Variants in TSPAN15 observed in about 807,000 individuals in gnomAD.
TSPAN15 encodes tetraspanin 15.
A neutral mutation model predicts 34.5 loss-of-function variants in TSPAN15; 20 were observed. The ratio of observed to expected loss-of-function variants is 0.58; its 90% CI spans 0.41 to 0.84. TSPAN15 has a LOEUF of 0.84. Among genes scored for constraint, TSPAN15 ranks in the 40% least tolerant of loss-of-function variants. The pLI is 0.00. For synonymous variants in TSPAN15, 155 were observed against 153.9 expected, an observed-to-expected ratio of 1.01 and a Z score of -0.05; for missense variants, 313 against 386.1, an observed-to-expected ratio of 0.81 and a Z score of 1.59.
intron 1 of TSPAN15, 31 bp downstream of exon 1, chr10:69,451,721 G>C: frequency 7.1e-7 from 1 of 1,412,384 alleles, no homozygotes. Flanking sequence ...CCGGGGATGG[G>C]GGTGGGGACC....
intron 1 of TSPAN15, among the ~76,000 whole-genome samples, chr10:69,459,124 AAC>A (rs1491120981): frequency 7.1e-5 from 4 of 56,632 alleles, no homozygotes; most frequent in Non-Finnish European, 1.4e-4. Context: ...AAAAAAAAAA[AAC>A]AACAACAAAA....
chr10:69,498,263 C>A lies in TSPAN15; in HGVS notation c.454-17C>A, dbSNP rs770250062. Reference sequence around the variant, plus strand: ...GGGCGATGACGGCAGCTCCTCTTTCCTGCTTGCTTCCCTCAGTTCAAGTGC... The same window carrying A: ...GGGCGATGACGGCAGCTCCTCTTTCATGCTTGCTTCCCTCAGTTCAAGTGC... On this transcript the variant is annotated splice_polypyrimidine_tract_variant and intron_variant, in intron 4 of 7. Coordinates refer to ENST00000373290, the MANE Select transcript of TSPAN15 (RefSeq NM_012339.5). The A allele has an allele frequency of 6.2e-7, 1 of 1,612,230 alleles. No homozygotes were observed. Among genetic ancestry groups the A allele is most frequent in the Non-Finnish European group, 8.5e-7 (1 of 1,178,382 alleles).
At position 69,506,062 on chromosome 10, in the gene TSPAN15, G is replaced by T; in HGVS notation, c.619-62G>T. On this transcript the variant is annotated intron_variant, in intron 6 of 7. Coordinates refer to ENST00000373290, the MANE Select transcript of TSPAN15 (RefSeq NM_012339.5). This position sits in a 1 kb window ranked among gnomAD's most constrained non-coding sequence, Gnocchi z 4.7. ...TGGACCTTGTGTACATGGCAGAGTCGGGGCTGTGGCTCCTGCCAGCCGAGG... is the reference window on the plus strand; with the variant it reads ...TGGACCTTGTGTACATGGCAGAGTCTGGGCTGTGGCTCCTGCCAGCCGAGG... The T allele has an allele frequency of 7.0e-7, 1 of 1,426,058 alleles. No homozygotes were observed. Among genetic ancestry groups the T allele is most frequent in the South Asian group, 1.2e-5 (1 of 83,990 alleles). 88.3% of individuals were successfully genotyped at this position (1,426,058 alleles called of 1,614,324 possible). A position where few individuals can be genotyped will look rare whatever the true frequency, so the allele number is the denominator to read the frequency against.
intron 1 of TSPAN15, among the ~76,000 whole-genome samples, chr10:69,475,715 A>G (rs1841601094): frequency 6.6e-6 from 1 of 152,170 alleles, no homozygotes; most frequent in Non-Finnish European, 1.5e-5. Flanking sequence ...ACTATTGCCA[A>G]CAGGAGGGGT....
the TSPAN15 span, among the ~76,000 whole-genome samples, chr10:69,544,554 C>T: frequency 6.6e-6 from 1 of 152,228 alleles, no homozygotes. Context: ...TCCACACCTG[C>T]CCCCAGGGTA....
the TSPAN15 span, among the ~76,000 whole-genome samples, chr10:69,539,470 GAGAAGGAGAAGGAGA>G: frequency 3.9e-4 from 23 of 59,142 alleles, no homozygotes; most frequent in African/African-American, 1.6e-3. Context: ...GAAGGAGAAG[GAGAAGGAGAAGGAGA>G]AGAAGAAGAA....
chr10:69,541,114 G>A, the TSPAN15 span, among the ~76,000 whole-genome samples: 1 of 152,156 alleles, frequency 6.6e-6, no homozygotes, highest in Admixed American at 6.5e-5. Flanking sequence ...GTGATACAGG[G>A]GCTGATGTCC....
chr10:69,485,951 C>T (rs1008362157), intron 3 of TSPAN15, among the ~76,000 whole-genome samples: 1 of 152,096 alleles, frequency 6.6e-6, no homozygotes, highest in African/African-American at 2.4e-5. Context: ...GCATCCTGGC[C>T]CTGGCAGGGT....
rs1270143407 is a variant in TSPAN15, at chr10:69,495,631, T to C, written c.395T>C (p.Ile132Thr). ...CTGAACGACAACATTCGAAGAGGAA[T>C]TGAGAACTACTATGATGATCTGGAC... ...DFLNDNIRRG[I>T]ENYYDDLDFK... is the part of the protein sequence containing the mutation. Residue 132 changes from isoleucine to threonine, a missense_variant, in exon 4 of 8, where the codon ATT (isoleucine) becomes ACT (threonine). Transcript: ENST00000373290. The C allele has an allele frequency of 3.1e-6, 5 of 1,613,950 alleles. No homozygotes were observed. The highest frequency in any genetic ancestry group is 3.4e-6 in the Non-Finnish European group (4 of 1,179,946).
intron 5 of TSPAN15, among the ~76,000 whole-genome samples, chr10:69,503,944 C>T (rs534680254): frequency 6.6e-6 from 1 of 152,298 alleles, no homozygotes; most frequent in East Asian, 1.9e-4. Flanking sequence ...CAGCACTCTC[C>T]GCTGGTGGAG....
At chr10:69,521,174 G>A in the TSPAN15 span, among the ~76,000 whole-genome samples, 1 of 152,150 alleles carries the variant, frequency 6.6e-6, no homozygotes, top group African/African-American at 2.4e-5. Flanking sequence ...TCCCCAGCGT[G>A]GGCAGGCATC....
At chr10:69,512,682 C>T in the TSPAN15 span, among the ~76,000 whole-genome samples, 1 of 152,186 alleles carries the variant, frequency 6.6e-6, no homozygotes, top group Admixed American at 6.5e-5. Context: ...TAGGTGGACT[C>T]ATACAGCATG....
At chr10:69,522,954 C>T in the TSPAN15 span, among the ~76,000 whole-genome samples, 3 of 147,582 alleles carry the variant, frequency 2.0e-5, no homozygotes, top group Non-Finnish European at 4.5e-5. Flanking sequence ...TTTTTTTTGT[C>T]ACCTGTACTT....
intron 5 of TSPAN15, among the ~76,000 whole-genome samples, chr10:69,503,922 A>C (rs1842264761): frequency 6.6e-6 from 1 of 152,188 alleles, no homozygotes; most frequent in South Asian, 2.1e-4. Flanking sequence ...CTTCCCAAGA[A>C]GGAAGTTTTG....
chr10:69,500,705 G>A (rs1207025858), intron 5 of TSPAN15, among the ~76,000 whole-genome samples: 1 of 152,098 alleles, frequency 6.6e-6, no homozygotes. Context: ...CCTTGGGCAG[G>A]GCCATCTGCT....
chr10:69,476,306 A>G (rs1025329451), intron 1 of TSPAN15, among the ~76,000 whole-genome samples: 3 of 152,194 alleles, frequency 2.0e-5, no homozygotes, highest in African/African-American at 7.2e-5. Flanking sequence ...AGCCCCAGGC[A>G]TATGTAGAAC....
the TSPAN15 span, among the ~76,000 whole-genome samples, chr10:69,520,030 C>T: frequency 2.0e-5 from 3 of 152,196 alleles, no homozygotes; most frequent in Non-Finnish European, 4.4e-5. Flanking sequence ...CTGTGCCCAG[C>T]CCCATTTTAA....
chr10:69,542,832 T>G, the TSPAN15 span, among the ~76,000 whole-genome samples: 2 of 152,352 alleles, frequency 1.3e-5, no homozygotes, highest in South Asian at 4.1e-4. Context: ...GAGATTTGGA[T>G]GGAGACATAG....
At chr10:69,456,310 C>T (rs1246242932) in intron 1 of TSPAN15, among the ~76,000 whole-genome samples, 1 of 152,142 alleles carries the variant, frequency 6.6e-6, no homozygotes, top group Non-Finnish European at 1.5e-5. Context: ...CTGTCTCGAC[C>T]TCCTGACCTT....
Sources: allele counts gnomAD v4.1 joint callset (sites outside exome capture counted in the v4.1 genomes callset), GRCh38; gene constraint gnomAD v4.1.1; non-coding constraint Gnocchi (gnomAD v3.1); transcripts MANE v1.5; gene names NCBI Gene and HGNC (gene_info 2026-07-23, HGNC 2026-07-21).